Variants in PTPRD observed in about 807,000 individuals in gnomAD.
PTPRD encodes the protein receptor-type tyrosine-protein phosphatase delta.
In PTPRD, 34 loss-of-function variants were observed where a neutral mutation model predicts 214.5. The observed-to-expected ratio is 0.16, with a 90% confidence interval of 0.12 to 0.21. The LOEUF (loss-of-function observed/expected upper bound fraction) is 0.21, where lower values mean the gene tolerates loss of function less well. PTPRD is among the 10% of genes least tolerant of loss of function. The probability of loss-of-function intolerance (pLI) is 1.00; values close to 1 mark genes in which losing one functional copy is unlikely to be tolerated. For synonymous variants in PTPRD, 1,128 were observed against 845.7 expected (o/e 1.33, Z -5.79); for missense variants, 2,545 against 2,398.7 (o/e 1.06, Z -1.27).
In PTPRD at chr9:8,417,549, G is replaced by A. The variant is rs554966657; in HGVS notation, c.4087-12889C>T. 1.5e-4 allele frequency among the ~76,000 whole-genome samples: 23 copies of A among 152,264 alleles called. No individual in the cohort carries two copies. In the South Asian group the frequency reaches 4.1e-3, roughly 27 times the overall value. ...ATAGGATTTCTAGTAGAATCTGAAA[G>A]CTTCTGAAAGCTTGTCTTCAATAAA... On this transcript the variant is annotated intron_variant, in intron 35 of 45. Transcript: ENST00000381196.
chr9:8,711,862 T>C (rs1298552055), intron 12 of PTPRD, among the ~76,000 whole-genome samples: 2 of 152,242 alleles, frequency 1.3e-5, no homozygotes, highest in East Asian at 1.9e-4. Flanking sequence ...GATACGGATA[T>C]AATGCTACGC....
intron 3 of PTPRD, among the ~76,000 whole-genome samples, chr9:10,307,030 G>C (rs1023889955): frequency 1.3e-5 from 2 of 152,024 alleles, no homozygotes; most frequent in African/African-American, 4.8e-5. Flanking sequence ...GGATATTTAG[G>C]ATATCTGTCA....
chr9:8,540,530 G>T (rs979142386), intron 14 of PTPRD, among the ~76,000 whole-genome samples: 5 of 152,114 alleles, frequency 3.3e-5, no homozygotes, highest in African/African-American at 1.2e-4. Context: ...ATAACATAAT[G>T]CACGTTTATT....
chr9:9,047,587 A>G (rs1232162010), intron 10 of PTPRD, among the ~76,000 whole-genome samples: 1 of 152,180 alleles, frequency 6.6e-6, no homozygotes, highest in African/African-American at 2.4e-5. Context: ...ATCCAGAAAC[A>G]AATCTGAAAA....
chr9:10,275,941 T>C (rs1308996883), intron 3 of PTPRD, among the ~76,000 whole-genome samples: 4 of 152,192 alleles, frequency 2.6e-5, no homozygotes, highest in South Asian at 2.1e-4. Flanking sequence ...TAATTCTGAA[T>C]GAGTGACTCA....
intron 10 of PTPRD, among the ~76,000 whole-genome samples, chr9:9,073,410 G>C (rs978880638): frequency 5.3e-5 from 8 of 152,082 alleles, no homozygotes; most frequent in African/African-American, 1.9e-4. Flanking sequence ...TGTCAATATG[G>C]CTAGATCATG....
intron 34 of PTPRD, among the ~76,000 whole-genome samples, chr9:8,446,851 GAAC>G (rs1008900546): frequency 7.9e-5 from 12 of 152,100 alleles, no homozygotes; most frequent in Admixed American, 1.3e-4. Flanking sequence ...AAGAGGAGAA[GAAC>G]AACCACAAAA....
At chr9:8,766,255 A>C (rs1029038868) in intron 11 of PTPRD, among the ~76,000 whole-genome samples, 1 of 151,878 alleles carries the variant, frequency 6.6e-6, no homozygotes, top group Non-Finnish European at 1.5e-5. Flanking sequence ...ATACTCCCCA[A>C]GTATGCATGG....
At chr9:8,616,257 G>T (rs73423259) in intron 14 of PTPRD, among the ~76,000 whole-genome samples, 8 of 152,102 alleles carry the variant, frequency 5.3e-5, no homozygotes, top group African/African-American at 1.7e-4. Context: ...AGACAAAAGC[G>T]TCCACACTAA....
chr9:8,818,753 T>C (rs1327611025), intron 11 of PTPRD, among the ~76,000 whole-genome samples: 2 of 152,240 alleles, frequency 1.3e-5, no homozygotes, highest in East Asian at 1.9e-4. Context: ...TTAATATTTA[T>C]TGCATTTATA....
chr9:8,629,425 T>G (rs577267729), intron 14 of PTPRD, among the ~76,000 whole-genome samples: 1 of 151,990 alleles, frequency 6.6e-6, no homozygotes, highest in South Asian at 2.1e-4. Context: ...ATATCTTTAG[T>G]CAGGAAGAAA....
intron 2 of PTPRD, among the ~76,000 whole-genome samples, chr9:10,380,038 C>T (rs1309451769): frequency 2.0e-5 from 3 of 152,056 alleles, no homozygotes; most frequent in African/African-American, 7.2e-5. Flanking sequence ...TTACTCACAG[C>T]AAGCTGGAAA....
chr9:9,932,465 G>A (rs900785967), intron 5 of PTPRD, among the ~76,000 whole-genome samples: 1 of 145,594 alleles, frequency 6.9e-6, no homozygotes, highest in Admixed American at 6.9e-5. Context: ...TCAACTGGAA[G>A]AAAGGGTATC....
rs1447686298 is a variant in PTPRD at position 9,597,909 on chromosome 9, C to T, written c.-286-23128G>A. 2.0e-5 allele frequency among the ~76,000 whole-genome samples: 3 copies of T among 151,850 alleles called. No homozygotes were observed. In the East Asian group the frequency reaches 5.8e-4, roughly 29 times the overall value. ...GTTGATAAAAGAATAAAATCTTTCC[C>T]TAATTTTCTGTGATATCCAAACTAA... On this transcript the variant is annotated intron_variant, in intron 7 of 45. Coordinates refer to ENST00000381196, the MANE Select transcript of PTPRD (RefSeq NM_002839.4).
intron 8 of PTPRD, among the ~76,000 whole-genome samples, chr9:9,457,995 G>A (rs1349568622): frequency 3.3e-5 from 5 of 151,922 alleles, no homozygotes; most frequent in Non-Finnish European, 5.9e-5. Context: ...ATAATAAGTG[G>A]TTTCACATTA....
intron 9 of PTPRD, among the ~76,000 whole-genome samples, chr9:9,312,839 C>A (rs575453955): frequency 6.6e-6 from 1 of 152,172 alleles, no homozygotes; most frequent in Non-Finnish European, 1.5e-5. Context: ...CACAAAAGCA[C>A]TCAGCAAGCC....
intron 2 of PTPRD, among the ~76,000 whole-genome samples, chr9:10,456,742 A>G (rs951446512): frequency 7.9e-5 from 12 of 151,870 alleles, no homozygotes; most frequent in Non-Finnish European, 1.5e-5. Flanking sequence ...ATGGAAACAC[A>G]TTTGTAGTCT....
intron 35 of PTPRD, among the ~76,000 whole-genome samples, chr9:8,408,735 C>T (rs1314626016): frequency 6.6e-6 from 1 of 152,104 alleles, no homozygotes; most frequent in Non-Finnish European, 1.5e-5. Context: ...TTTTACATTG[C>T]TTCCCTGCCT....
intron 31 of PTPRD, among the ~76,000 whole-genome samples, chr9:8,466,807 T>C (rs2096553198): frequency 6.6e-6 from 1 of 151,920 alleles, no homozygotes; most frequent in South Asian, 2.1e-4. Flanking sequence ...ATGGAAACAG[T>C]GCAGCAAAAC....
Sources: gnomAD v4.1 joint callset for allele counts (sites outside exome capture counted in the v4.1 genomes callset) on GRCh38, gnomAD v4.1.1 for gene constraint, MANE v1.5 for transcripts, NCBI Gene and HGNC (gene_info 2026-07-23, HGNC 2026-07-21) for gene names.